Variants in MACROD2 observed in about 807,000 individuals in gnomAD.
The protein encoded by MACROD2 is ADP-ribose glycohydrolase MACROD2.
In MACROD2, 36 loss-of-function variants were observed where a neutral mutation model predicts 70.4. That is an observed-to-expected ratio of 0.51 (90% CI 0.39 to 0.68). The LOEUF is 0.68. Ranked by LOEUF, MACROD2 falls within the 30% of genes least tolerant of loss-of-function variation. The probability of loss-of-function intolerance (pLI) is 0.00; values close to 1 mark genes in which losing one functional copy is unlikely to be tolerated. For missense variants in MACROD2, 496 were observed against 538.4 expected, an observed-to-expected ratio of 0.92 and a Z score of 0.78; for synonymous variants, 172 against 178.8, an observed-to-expected ratio of 0.96 and a Z score of 0.30.
At chr20:15,896,550 T>TTC (rs200177004) in intron 10 of MACROD2, among the ~76,000 whole-genome samples, 1 of 151,566 alleles carries the variant, frequency 6.6e-6, no homozygotes, top group Non-Finnish European at 1.5e-5. Context: ...TTTTTTTTTT[T>TTC]CTAGAAAAAA....
At chr20:15,251,358 G>T (rs143940516) in intron 6 of MACROD2, among the ~76,000 whole-genome samples, 1,526 of 152,254 alleles carry the variant, frequency 0.01, 9 homozygotes, top group South Asian at 0.016. Context: ...ATGCTCCCCA[G>T]TGCAAATTCT....
intron 5 of MACROD2, among the ~76,000 whole-genome samples, chr20:14,844,012 C>T (rs2073113400): frequency 6.6e-6 from 1 of 152,072 alleles, no homozygotes; most frequent in Admixed American, 6.6e-5. Flanking sequence ...TCCATTAGTT[C>T]ACTTTGCCTC....
chr20:15,171,015 C>G (rs2076418522), intron 5 of MACROD2, among the ~76,000 whole-genome samples: 1 of 152,106 alleles, frequency 6.6e-6, no homozygotes, highest in Admixed American at 6.5e-5. Context: ...TGGAAAATTT[C>G]AGAGACCCTA....
intron 3 of MACROD2, among the ~76,000 whole-genome samples, chr20:14,228,776 C>T (rs1327258369): frequency 2.0e-5 from 3 of 151,958 alleles, no homozygotes; most frequent in Non-Finnish European, 2.9e-5. Flanking sequence ...CAGAGGCCAA[C>T]GGGTGGTTTA....
chr20:15,813,044 T>C (rs925025337), intron 8 of MACROD2, among the ~76,000 whole-genome samples: 12 of 152,218 alleles, frequency 7.9e-5, no homozygotes, highest in African/African-American at 2.7e-4. Context: ...CCCCTTATTA[T>C]GGAAAGCTAT....
At chr20:15,216,465 T>C (rs897916607) in intron 5 of MACROD2, among the ~76,000 whole-genome samples, 1 of 151,996 alleles carries the variant, frequency 6.6e-6, no homozygotes, top group Non-Finnish European at 1.5e-5. Flanking sequence ...GGTATAAAAA[T>C]AAAACTGTCT....
intron 3 of MACROD2, among the ~76,000 whole-genome samples, chr20:14,464,512 G>A (rs908259193): frequency 2.6e-5 from 4 of 151,836 alleles, no homozygotes; most frequent in African/African-American, 7.3e-5. Flanking sequence ...TTTTTTAAAG[G>A]GTTTTTTGTG....
chr20:15,963,380 A>G lies in MACROD2; in HGVS notation c.908-4173A>G, dbSNP rs575498059. Reference sequence around the variant, plus strand: ...TCCTCTCTTACTCGGTGCGTTTTTTAGACCACCTAGCTTGAATAGTTATCT... The same window carrying G: ...TCCTCTCTTACTCGGTGCGTTTTTTGGACCACCTAGCTTGAATAGTTATCT... On this transcript the variant is annotated intron_variant, in intron 12 of 17. Coordinates refer to ENST00000684519, the MANE Select transcript of MACROD2 (RefSeq NM_001351661.2). Among the ~76,000 whole-genome samples, 322 of 152,300 alleles carry G rather than the reference A, an allele frequency of 2.1e-3. 1 individual carries two copies. The highest frequency in any genetic ancestry group is 6.8e-3 in the Middle Eastern group (2 of 294).
At chr20:14,560,946 C>T (rs2123290775) in intron 4 of MACROD2, among the ~76,000 whole-genome samples, 1 of 151,934 alleles carries the variant, frequency 6.6e-6, no homozygotes, top group South Asian at 2.1e-4. Flanking sequence ...AAATTAGTTT[C>T]ATGAAATAAT....
At chr20:14,964,355 G>A (rs1447172875) in intron 5 of MACROD2, among the ~76,000 whole-genome samples, 1 of 152,076 alleles carries the variant, frequency 6.6e-6, no homozygotes, top group Non-Finnish European at 1.5e-5. Context: ...GGCAGATCAC[G>A]AGGTCAGGAG....
rs570736060 is a variant in MACROD2 at position 14,633,136 on chromosome 20, G to T, written c.302-51707G>T. 7.1e-4 allele frequency among the ~76,000 whole-genome samples: 108 copies of T among 152,328 alleles called. 1 individual carries two copies. The highest frequency in any genetic ancestry group is 2.5e-3 in the African/African-American group (104 of 41,568). On this transcript the variant is annotated intron_variant, in intron 4 of 17. Coordinates refer to ENST00000684519, the MANE Select transcript of MACROD2 (RefSeq NM_001351661.2). ...GGCCACTCGCCTTCTTTGGCCTGTG[G>T]TTGCATCACTCCAGTCTCTGCCTCT...
chr20:15,876,654 G>T (rs1279673376), intron 9 of MACROD2, among the ~76,000 whole-genome samples: 1 of 152,120 alleles, frequency 6.6e-6, no homozygotes, highest in Non-Finnish European at 1.5e-5. Flanking sequence ...GGATCAAATG[G>T]TCTTTCTAGT....
chr20:15,433,388 A>G (rs1383076655), intron 7 of MACROD2, among the ~76,000 whole-genome samples: 1 of 148,774 alleles, frequency 6.7e-6, no homozygotes, highest in Non-Finnish European at 1.5e-5. Context: ...AGAAATCAGT[A>G]GCACTGCTAT....
At chr20:15,300,856 T>A (rs2077635097) in intron 6 of MACROD2, among the ~76,000 whole-genome samples, 1 of 152,206 alleles carries the variant, frequency 6.6e-6, no homozygotes, top group African/African-American at 2.4e-5. Flanking sequence ...AATATAGTTT[T>A]AGCTCTTTGC....
At chr20:15,103,825 C>T (rs2075890940) in intron 5 of MACROD2, among the ~76,000 whole-genome samples, 1 of 151,956 alleles carries the variant, frequency 6.6e-6, no homozygotes, top group African/African-American at 2.4e-5. Flanking sequence ...AGAAAGCAGC[C>T]GTGAGCAGAA....
At chr20:14,272,631 T>C (rs1162623568) in intron 3 of MACROD2, among the ~76,000 whole-genome samples, 2 of 150,762 alleles carry the variant, frequency 1.3e-5, no homozygotes, top group Admixed American at 6.6e-5. Flanking sequence ...CAGGATCAAA[T>C]TCACACATAA....
intron 9 of MACROD2, among the ~76,000 whole-genome samples, chr20:15,870,668 A>T (rs1034910126): frequency 3.3e-5 from 5 of 152,094 alleles, no homozygotes; most frequent in Admixed American, 3.3e-4. Flanking sequence ...GCACTTTGAT[A>T]TTGGGCTCCT....
chr20:14,795,098 A>G (rs2123808791), intron 5 of MACROD2, among the ~76,000 whole-genome samples: 1 of 152,134 alleles, frequency 6.6e-6, no homozygotes, highest in South Asian at 2.1e-4. Flanking sequence ...ATGCACAGGG[A>G]GAGGAGAGAG....
chr20:14,274,787 A>C lies in MACROD2; in HGVS notation c.271+189059A>C, dbSNP rs1475449986. ...CAAAATCTCCTTAAGCTGATAAGCA[A>C]TTTCAGCAAAGTCTCAGGATACAAA... On this transcript the variant is annotated intron_variant, in intron 3 of 17. Coordinates refer to ENST00000684519, the MANE Select transcript of MACROD2 (RefSeq NM_001351661.2). Among the ~76,000 whole-genome samples the C allele has an allele frequency of 4.0e-5, 6 of 151,788 alleles. No individual in the cohort carries two copies. In the East Asian group the frequency reaches 1.2e-3, roughly 29 times the overall value.
Sources: gnomAD v4.1 joint callset for allele counts (sites outside exome capture counted in the v4.1 genomes callset) on GRCh38, gnomAD v4.1.1 for gene constraint, MANE v1.5 for transcripts, NCBI Gene and HGNC (gene_info 2026-07-23, HGNC 2026-07-21) for gene names.